CSMD1: variants seen among roughly 807,000 people sequenced by gnomAD.
The protein encoded by CSMD1 is CUB and sushi domain-containing protein 1.
CSMD1 carries 213 observed loss-of-function variants against 417.5 expected under a neutral mutation model. The observed-to-expected ratio is 0.51, with a 90% CI of 0.46 to 0.57. The LOEUF is 0.57. CSMD1 is among the 20% of genes least tolerant of loss of function. The pLI, the probability that CSMD1 is intolerant of heterozygous loss-of-function variation, is 0.00. For missense variants in CSMD1, 6,923 were observed against 4,529.7 expected (o/e 1.53, Z -15.17); for synonymous variants, 2,862 against 1,736.8 (o/e 1.65, Z -16.11).
chr8:4,595,387 C>CTTTTTTTTTTTTTTTCTTTTTTTTTT, intron 2 of CSMD1, among the ~76,000 whole-genome samples: 4 of 147,334 alleles, frequency 2.7e-5, no homozygotes, highest in African/African-American at 7.4e-5. Flanking sequence ...CATTCATTTT[C>CTTTTTTTTTTTTTTTCTTTTTTTTTT]ATTCCATCCA....
intron 3 of CSMD1, among the ~76,000 whole-genome samples, chr8:4,179,258 C>G (rs543283298): frequency 1.3e-5 from 2 of 152,192 alleles, no homozygotes; most frequent in East Asian, 1.9e-4. Context: ...GAACAGAGCC[C>G]TCAGAAATAA....
At chr8:4,140,284 G>A (rs1221075706) in intron 3 of CSMD1, among the ~76,000 whole-genome samples, 1 of 150,892 alleles carries the variant, frequency 6.6e-6, no homozygotes, top group Non-Finnish European at 1.5e-5. Flanking sequence ...ATCACTTGAG[G>A]TCAGGAGTTT....
chr8:4,124,107 A>G (rs924724167), intron 3 of CSMD1, among the ~76,000 whole-genome samples: 5 of 152,218 alleles, frequency 3.3e-5, no homozygotes, highest in East Asian at 1.9e-4. Context: ...AAGAGAAAGA[A>G]AAACTATTTT....
intron 2 of CSMD1, among the ~76,000 whole-genome samples, chr8:4,635,607 C>T (rs1355356081): frequency 6.6e-6 from 1 of 152,058 alleles, no homozygotes; most frequent in Non-Finnish European, 1.5e-5. Flanking sequence ...TAGAGTCACA[C>T]ACATTGGCAT....
intron 8 of CSMD1, among the ~76,000 whole-genome samples, chr8:3,603,313 T>C (rs905938891): frequency 2.6e-5 from 4 of 152,220 alleles, no homozygotes; most frequent in Non-Finnish European, 4.4e-5. Flanking sequence ...AGGAATATGT[T>C]ATGTTCCTTA....
At chr8:3,255,457 C>T (rs1416670434) in intron 26 of CSMD1, among the ~76,000 whole-genome samples, 1 of 152,216 alleles carries the variant, frequency 6.6e-6, no homozygotes, top group African/African-American at 2.4e-5. Flanking sequence ...CTGTGCCCTG[C>T]CCCCAGAGGT....
At position 3,894,960 on chromosome 8, in the gene CSMD1, G is replaced by T. The variant is rs180861754; in HGVS notation, c.818+102943C>A. Among the ~76,000 whole-genome samples the T allele has an allele frequency of 5.9e-5, 9 of 152,284 alleles. 1 individual carries two copies. Among genetic ancestry groups the T allele is most frequent in the Admixed American group, 5.9e-4 (9 of 15,290 alleles). On this transcript the variant is annotated intron_variant, in intron 5 of 69. Coordinates refer to ENST00000635120, the MANE Select transcript of CSMD1 (RefSeq NM_033225.6). ...GACAATTTCCAATATGATGAATAGG[G>T]TAATTAGAAGAGTCAATCATGAATC...
At chr8:3,399,124 A>G (rs552663094) in intron 16 of CSMD1, among the ~76,000 whole-genome samples, 1 of 152,256 alleles carries the variant, frequency 6.6e-6, no homozygotes, top group South Asian at 2.1e-4. Context: ...CCAAACCCAG[A>G]GTCAGATACA....
chr8:4,479,980 AT>A (rs1490860845), intron 2 of CSMD1, among the ~76,000 whole-genome samples: 5 of 151,206 alleles, frequency 3.3e-5, no homozygotes, highest in Non-Finnish European at 5.9e-5. Context: ...AAAAAAAAAA[AT>A]AAAAAGTCAA....
rs1241514573 is a variant in CSMD1 at position 3,847,571 on chromosome 8, T to G, written c.819-93529A>C. Among the ~76,000 whole-genome samples the G allele has an allele frequency of 3.9e-5, 6 of 152,252 alleles. No individual in the cohort carries two copies. The East Asian group carries it at 1.2e-3, about 29-fold the overall frequency. Reference sequence around the variant, plus strand: ...GAAGGAGTCCTTGACTGCTGCTTCTTGAGGCCCTGAGAGAAGACTGGGGTA... The same window carrying G: ...GAAGGAGTCCTTGACTGCTGCTTCTGGAGGCCCTGAGAGAAGACTGGGGTA... On this transcript the variant is annotated intron_variant, in intron 5 of 69. Coordinates refer to ENST00000635120, the MANE Select transcript of CSMD1 (RefSeq NM_033225.6).
chr8:4,914,448 G>A (rs1002120624), intron 1 of CSMD1, among the ~76,000 whole-genome samples: 2 of 151,820 alleles, frequency 1.3e-5, no homozygotes, highest in Non-Finnish European at 2.9e-5. Flanking sequence ...TGAGGTGGCG[G>A]GCCCCTGTAG....
At chr8:3,782,826 G>A (rs1799254192) in intron 5 of CSMD1, among the ~76,000 whole-genome samples, 1 of 152,144 alleles carries the variant, frequency 6.6e-6, no homozygotes, top group Admixed American at 6.5e-5. Flanking sequence ...TTTCTAGCAT[G>A]AACACTTATG....
intron 2 of CSMD1, among the ~76,000 whole-genome samples, chr8:4,548,511 T>C (rs148664195): frequency 2.2e-4 from 33 of 152,240 alleles, no homozygotes; most frequent in African/African-American, 6.0e-4. Context: ...GAAAATGCCA[T>C]GCAAAAATAA....
At chr8:3,295,653 C>G (rs775857008) in intron 25 of CSMD1, among the ~76,000 whole-genome samples, 28 of 152,172 alleles carry the variant, frequency 1.8e-4, no homozygotes, top group Admixed American at 2.6e-4. Context: ...CTAACTCGCT[C>G]TCCCTTGGGA....
At chr8:4,568,523 A>C (rs769386084) in intron 2 of CSMD1, among the ~76,000 whole-genome samples, 5 of 152,026 alleles carry the variant, frequency 3.3e-5, no homozygotes, top group African/African-American at 4.8e-5. Context: ...TCTATCATTG[A>C]TGGGCATTTG....
intron 3 of CSMD1, among the ~76,000 whole-genome samples, chr8:4,077,297 G>GTATATATATATATATATA (rs200304943): frequency 5.8e-5 from 7 of 121,274 alleles, no homozygotes; most frequent in African/African-American, 1.4e-4. Flanking sequence ...ATATATATGT[G>GTATATATATATATATATA]TATATATATA....
At chr8:3,487,722 T>C (rs1818137939) in intron 11 of CSMD1, among the ~76,000 whole-genome samples, 1 of 152,190 alleles carries the variant, frequency 6.6e-6, no homozygotes, top group Non-Finnish European at 1.5e-5. Context: ...CCCTTTTTAA[T>C]GCTGAAATTA....
At chr8:3,648,139 C>T (rs1347488757) in intron 7 of CSMD1, among the ~76,000 whole-genome samples, 1 of 152,136 alleles carries the variant, frequency 6.6e-6, no homozygotes, top group Non-Finnish European at 1.5e-5. Context: ...TTTACTATGG[C>T]CCCAGATTAA....
intron 6 of CSMD1, among the ~76,000 whole-genome samples, chr8:3,715,559 T>G (rs1585122808): frequency 6.6e-6 from 1 of 152,192 alleles, no homozygotes; most frequent in South Asian, 2.1e-4. Context: ...TTTTAGCTTT[T>G]TGAGACAGAG....
Sources: allele counts gnomAD v4.1 joint callset (sites outside exome capture counted in the v4.1 genomes callset), GRCh38; gene constraint gnomAD v4.1.1; transcripts MANE v1.5; gene names NCBI Gene and HGNC (gene_info 2026-07-23, HGNC 2026-07-21).